GLT1D1: variants seen among roughly 807,000 people sequenced by gnomAD.
GLT1D1 encodes glycosyltransferase 1 domain-containing protein 1.
A neutral mutation model predicts 28.7 loss-of-function variants in GLT1D1; 21 were observed. The observed-to-expected ratio is 0.73, with a 90% CI of 0.52 to 1.05. The LOEUF (loss-of-function observed/expected upper bound fraction) is 1.05, where lower values mean the gene tolerates loss of function less well. GLT1D1 is among the 50% of genes least tolerant of loss of function. GLT1D1 has a pLI of 0.00. For missense variants in GLT1D1, 343 were observed against 330.6 expected (o/e 1.04, Z -0.29); for synonymous variants, 147 against 124.8 (o/e 1.18, Z -1.19).
In GLT1D1 at chr12:128,957,586, C is replaced by T. The variant is rs141781055; in HGVS notation, c.582C>T (p.Pro194=). The change falls in exon 7 of 8, where the codon CCC becomes CCT. Residue 194 remains proline (P), a synonymous_variant. Transcript: ENST00000281703. ...TACCGGTATTGGCCAGGAACATCCC[C>T]GGGAATGCTGCCGTGGTGAAGCATG... 1.3e-3 allele frequency: 2,089 copies of T among 1,613,860 alleles called. 13 individuals are homozygous for T. The highest frequency in any genetic ancestry group is 0.011 in the South Asian group (964 of 91,066).
At chr12:128,966,164 G>A (rs1878437362) in intron 7 of GLT1D1, among the ~76,000 whole-genome samples, 1 of 152,352 alleles carries the variant, frequency 6.6e-6, no homozygotes, top group Middle Eastern at 3.4e-3. Flanking sequence ...TGAGCGGCTG[G>A]GAGTAGGAGT....
At chr12:128,895,274 G>A (rs187831627) in intron 3 of GLT1D1, among the ~76,000 whole-genome samples, 7 of 152,098 alleles carry the variant, frequency 4.6e-5, no homozygotes, top group Non-Finnish European at 1.0e-4. Flanking sequence ...ATGTATGTAT[G>A]TATATATGCA....
chr12:128,917,659 T>C (rs375785652), intron 4 of GLT1D1, among the ~76,000 whole-genome samples: 2 of 152,198 alleles, frequency 1.3e-5, no homozygotes, highest in East Asian at 1.9e-4. Flanking sequence ...ACCCCAAGTC[T>C]GTTTTCATGC....
intron 3 of GLT1D1, among the ~76,000 whole-genome samples, chr12:128,892,019 C>T (rs943181534): frequency 3.9e-5 from 6 of 152,046 alleles, no homozygotes; most frequent in African/African-American, 7.2e-5. Context: ...CAACTGGAAG[C>T]GAGGCAGGAA....
chr12:128,925,788 C>T (rs1210453654), intron 4 of GLT1D1, among the ~76,000 whole-genome samples: 7 of 152,314 alleles, frequency 4.6e-5, no homozygotes, highest in Admixed American at 6.5e-5. Context: ...TCAGTTCCCC[C>T]GTGCCTCATC....
chr12:128,881,891 A>G (rs561654076), intron 2 of GLT1D1, among the ~76,000 whole-genome samples: 10 of 151,938 alleles, frequency 6.6e-5, no homozygotes, highest in Admixed American at 2.6e-4. Flanking sequence ...GCAGCAAGTT[A>G]TGAATGGTCC....
At chr12:128,881,561 AATATATATATATAT>A (rs1174737837) in intron 2 of GLT1D1, among the ~76,000 whole-genome samples, 66 of 33,708 alleles carry the variant, frequency 2.0e-3, no homozygotes, top group African/African-American at 5.6e-3. Flanking sequence ...AAAAAAAAAA[AATATATATATATAT>A]ATATATATAT....
intron 1 of GLT1D1, among the ~76,000 whole-genome samples, chr12:128,858,475 C>A (rs967670708): frequency 3.3e-5 from 5 of 152,076 alleles, no homozygotes; most frequent in Non-Finnish European, 7.4e-5. Context: ...CATTGGAGAC[C>A]ATCCTGGCCA....
chr12:128,939,327 C>G (rs1260896348), intron 4 of GLT1D1, among the ~76,000 whole-genome samples: 1 of 151,522 alleles, frequency 6.6e-6, no homozygotes, highest in Non-Finnish European at 1.5e-5. Flanking sequence ...TTTGGGAGGC[C>G]AAGGTGGGCG....
chr12:128,964,411 T>G (rs999754964), intron 7 of GLT1D1, among the ~76,000 whole-genome samples: 22 of 152,094 alleles, frequency 1.4e-4, no homozygotes, highest in African/African-American at 5.3e-4. Context: ...AATCTTTCCA[T>G]CCTCATGACC....
intron 1 of GLT1D1, among the ~76,000 whole-genome samples, chr12:128,874,507 G>A (rs1956827215): frequency 7.7e-6 from 1 of 129,838 alleles, no homozygotes; most frequent in South Asian, 2.8e-4. Flanking sequence ...TTTTGAGACA[G>A]GGTCTTGCTC....
In GLT1D1 at chr12:128,872,457, G is replaced by A. The variant is rs573726232; in HGVS notation, c.69-3457G>A. ...GTTCTCTGGAAGGAGCTGGCACTAG[G>A]AAGTGTCATGTCAGCGGCGTGGAGA... On this transcript the variant is annotated intron_variant, in intron 1 of 7. Coordinates refer to ENST00000281703, the MANE Select transcript of GLT1D1 (RefSeq NM_144669.3). Among the ~76,000 whole-genome samples the A allele has an allele frequency of 2.0e-5, 3 of 152,274 alleles. No homozygotes were observed. In the East Asian group the frequency reaches 5.8e-4, roughly 29 times the overall value.
At chr12:128,905,007 G>T (rs1402555747) in intron 4 of GLT1D1, among the ~76,000 whole-genome samples, 2 of 152,132 alleles carry the variant, frequency 1.3e-5, no homozygotes, top group African/African-American at 4.8e-5. Context: ...GACCTCAAGT[G>T]ATCTGCCCAC....
chr12:128,978,070 T>C (rs470557), intron 7 of GLT1D1, among the ~76,000 whole-genome samples: 32,224 of 151,318 alleles, frequency 0.21, 3,929 homozygotes, highest in African/African-American at 0.34. Flanking sequence ...CAGGCATGAG[T>C]CCCCGCACCC....
chr12:128,864,257 G>A (rs900455890), intron 1 of GLT1D1: 1 of 541,628 alleles, frequency 1.8e-6, no homozygotes, highest in African/African-American at 1.9e-5. Context: ...GAGAAGCTGA[G>A]TGTGGGATGA....
chr12:128,900,175 C>T (rs1870086622), intron 4 of GLT1D1, among the ~76,000 whole-genome samples: 1 of 152,200 alleles, frequency 6.6e-6, no homozygotes, highest in Non-Finnish European at 1.5e-5. Flanking sequence ...GTCAGTTTCC[C>T]TTTGGTGAGT....
At chr12:128,927,392 C>T (rs555713072) in intron 4 of GLT1D1, among the ~76,000 whole-genome samples, 1 of 152,054 alleles carries the variant, frequency 6.6e-6, no homozygotes, top group African/African-American at 2.4e-5. Context: ...GTGCCCACCA[C>T]CATGCCTGGC....
At chr12:128,854,996 G>A (rs1185736646) in intron 1 of GLT1D1, among the ~76,000 whole-genome samples, 1 of 152,128 alleles carries the variant, frequency 6.6e-6, no homozygotes, top group Non-Finnish European at 1.5e-5. Context: ...GGGTTTAGCA[G>A]TGAGGAGCCC....
chr12:128,967,589 C>T (rs1198199899), intron 7 of GLT1D1, among the ~76,000 whole-genome samples: 3 of 152,176 alleles, frequency 2.0e-5, no homozygotes, highest in Non-Finnish European at 2.9e-5. Flanking sequence ...TAGGGGAAGC[C>T]GTGGAATATG....
Sources: gnomAD v4.1 joint callset for allele counts (sites outside exome capture counted in the v4.1 genomes callset) on GRCh38, gnomAD v4.1.1 for gene constraint, MANE v1.5 for transcripts, NCBI Gene and HGNC (gene_info 2026-07-23, HGNC 2026-07-21) for gene names.